Variants in KAT2B observed in about 807,000 individuals in gnomAD.
KAT2B encodes lysine acetyltransferase 2B, also known as histone acetyltransferase KAT2B.
KAT2B carries 36 observed loss-of-function variants against 105.9 expected under a neutral mutation model. That is an observed-to-expected ratio of 0.34 (90% CI 0.26 to 0.45). The LOEUF (loss-of-function observed/expected upper bound fraction) is 0.45, where lower values mean the gene tolerates loss of function less well. Ranked by LOEUF, KAT2B falls within the 20% of genes least tolerant of loss-of-function variation. The pLI, the probability that KAT2B is intolerant of heterozygous loss-of-function variation, is 1.00. For synonymous variants in KAT2B, 397 were observed against 377.9 expected (o/e 1.05, Z -0.59); for missense variants, 820 against 1,021.6 (o/e 0.80, Z 2.69).
At chr3:20,069,685 C>T (rs1698285089) in intron 1 of KAT2B, among the ~76,000 whole-genome samples, 1 of 151,690 alleles carries the variant, frequency 6.6e-6, no homozygotes, top group Non-Finnish European at 1.5e-5. Context: ...GCCACCATAC[C>T]CGGCTAATTT....
At chr3:20,060,627 A>G (rs1354139089) in intron 1 of KAT2B, among the ~76,000 whole-genome samples, 3 of 150,484 alleles carry the variant, frequency 2.0e-5, no homozygotes, top group African/African-American at 7.3e-5. Context: ...ACACACAAAC[A>G]ACAAACTGTG....
intron 1 of KAT2B, among the ~76,000 whole-genome samples, chr3:20,048,231 T>G (rs1289483055): frequency 6.6e-6 from 1 of 152,164 alleles, no homozygotes; most frequent in Non-Finnish European, 1.5e-5. Flanking sequence ...ATGTCCAAAT[T>G]TAATTCTGTA....
At chr3:20,079,963 G>T (rs760031254) in intron 2 of KAT2B, among the ~76,000 whole-genome samples, 1 of 152,148 alleles carries the variant, frequency 6.6e-6, no homozygotes. Flanking sequence ...TCTCCCTGAC[G>T]TCCTCTGGTC....
intron 2 of KAT2B, among the ~76,000 whole-genome samples, chr3:20,073,931 C>T (rs1387020392): frequency 6.6e-6 from 1 of 152,166 alleles, no homozygotes; most frequent in East Asian, 1.9e-4. Flanking sequence ...CTTTCTTAGC[C>T]GAGCAGATTG....
intron 2 of KAT2B, among the ~76,000 whole-genome samples, chr3:20,075,450 A>T (rs1698401501): frequency 6.6e-6 from 1 of 151,816 alleles, no homozygotes; most frequent in Admixed American, 6.6e-5. Context: ...ACTTGGAGAT[A>T]GCATCACATC....
intron 3 of KAT2B, 145 bp from the exon 4 acceptor site, chr3:20,099,717 T>C: frequency 1.9e-6 from 1 of 531,584 alleles, no homozygotes; most frequent in Middle Eastern, 5.3e-4. Context: ...TTAAGATAAA[T>C]AGAATATGGT....
At chr3:20,097,475 A>G (rs1367616342) in intron 3 of KAT2B, among the ~76,000 whole-genome samples, 1 of 152,230 alleles carries the variant, frequency 6.6e-6, no homozygotes, top group Non-Finnish European at 1.5e-5. Flanking sequence ...TAAATAATCT[A>G]TTCCTTAGCT....
At chr3:20,146,196 C>T (rs1265906303) in intron 13 of KAT2B, 120 bp from the exon 14 acceptor site, 5 of 663,036 alleles carry the variant, frequency 7.5e-6, no homozygotes, top group East Asian at 5.1e-5. Flanking sequence ...TCACCCCTTT[C>T]TCCCATCTTA....
chr3:20,041,735 GACACACTCAC>G (rs1697723299), intron 1 of KAT2B, among the ~76,000 whole-genome samples: 1 of 152,120 alleles, frequency 6.6e-6, no homozygotes, highest in African/African-American at 2.4e-5. Context: ...GCAGGGAAGA[GACACACTCAC>G]ACACACTCAC....
intron 17 of KAT2B, chr3:20,148,735 C>T (rs908142002): frequency 1.8e-5 from 7 of 389,876 alleles, no homozygotes; most frequent in South Asian, 6.6e-5. Flanking sequence ...AGAAAATCCA[C>T]GGTAACTGCA....
chr3:20,144,499 C>T (rs2125195235), intron 13 of KAT2B, among the ~76,000 whole-genome samples: 1 of 151,690 alleles, frequency 6.6e-6, no homozygotes, highest in Admixed American at 6.6e-5. Context: ...CTGTGTTAGC[C>T]AGGATGGTCT....
intron 2 of KAT2B, among the ~76,000 whole-genome samples, chr3:20,079,639 G>A (rs559814989): frequency 1.3e-5 from 2 of 152,296 alleles, no homozygotes; most frequent in African/African-American, 4.8e-5. Flanking sequence ...CATTTAGGCA[G>A]ATCATTTGAC....
chr3:20,131,284 G>C (rs181723330), intron 11 of KAT2B, among the ~76,000 whole-genome samples: 85 of 151,966 alleles, frequency 5.6e-4, no homozygotes, highest in African/African-American at 2.0e-3. Context: ...CAAAGTGCTG[G>C]GATTACAGTT....
At chr3:20,070,695 C>G (rs114491517) in intron 1 of KAT2B, among the ~76,000 whole-genome samples, 4,163 of 151,966 alleles carry the variant, frequency 0.027, 88 homozygotes, top group Non-Finnish European at 0.038. Context: ...GCAGCAGCCA[C>G]TCTGACAATT....
At chr3:20,085,635 C>T (rs1163450696) in intron 2 of KAT2B, among the ~76,000 whole-genome samples, 3 of 151,672 alleles carry the variant, frequency 2.0e-5, no homozygotes, top group South Asian at 2.1e-4. Flanking sequence ...CTCAGCCTCC[C>T]GAGTCGCTGG....
At position 20,066,741 on chromosome 3, in the gene KAT2B, A is replaced by G. The variant is rs571624819; in HGVS notation, c.304-5592A>G. On this transcript the variant is annotated intron_variant, in intron 1 of 17. Coordinates refer to ENST00000263754, the MANE Select transcript of KAT2B (RefSeq NM_003884.5). ...GGGCACACACTATTTAACCCACTGC[A>G]CCGCATTAAAAAAAAAAAATCAGAA... Among the ~76,000 whole-genome samples the G allele has an allele frequency of 2.6e-3, 402 of 151,762 alleles. 4 individuals carry two copies. The highest frequency in any genetic ancestry group is 9.3e-3 in the African/African-American group (386 of 41,384).
chr3:20,054,665 A>G (rs1287122403), intron 1 of KAT2B, among the ~76,000 whole-genome samples: 1 of 152,210 alleles, frequency 6.6e-6, no homozygotes, highest in African/African-American at 2.4e-5. Context: ...AAGTACAAGG[A>G]TGAGACCTGA....
intron 2 of KAT2B, among the ~76,000 whole-genome samples, chr3:20,078,969 C>T (rs868544057): frequency 1.0e-3 from 151 of 150,598 alleles, no homozygotes; most frequent in African/African-American, 3.3e-3. Context: ...CTGCAACTTC[C>T]GCCTCCCAGG....
At chr3:20,061,345 A>G (rs1297555016) in intron 1 of KAT2B, among the ~76,000 whole-genome samples, 2 of 152,058 alleles carry the variant, frequency 1.3e-5, no homozygotes, top group Admixed American at 6.6e-5. Context: ...CTTTGAATGT[A>G]TATACTACGT....
Sources: allele counts gnomAD v4.1 joint callset (sites outside exome capture counted in the v4.1 genomes callset), GRCh38; gene constraint gnomAD v4.1.1; transcripts MANE v1.5; gene names NCBI Gene and HGNC (gene_info 2026-07-23, HGNC 2026-07-21).